GRM1: variants seen among roughly 807,000 people sequenced by gnomAD.
The protein encoded by GRM1 is metabotropic glutamate receptor 1.
In GRM1, 33 loss-of-function variants were observed where a neutral mutation model predicts 90.9. The ratio of observed to expected loss-of-function variants is 0.36; its 90% CI spans 0.28 to 0.49. GRM1 has a LOEUF of 0.49. GRM1 is among the 20% of genes least tolerant of loss of function. GRM1 has a pLI of 0.99. For missense variants in GRM1, 1,190 were observed against 1,534.3 expected, an observed-to-expected ratio of 0.78 and a Z score of 3.75; for synonymous variants, 700 against 613.2, an observed-to-expected ratio of 1.14 and a Z score of -2.09.
Position 146,357,708 on chromosome 6 carries a change from G to A in GRM1, c.1602+14G>A. 2 of 1,607,642 alleles carry A rather than the reference G, an allele frequency of 1.2e-6. No homozygotes were observed. The highest frequency in any genetic ancestry group is 8.5e-7 in the Non-Finnish European group (1 of 1,174,330). Reference sequence around the variant, plus strand: ...GGCCAGATTAAGGTAAGCCACAAATGCATTCTTGCATGGTATCTGTGAGGA... The same window carrying A: ...GGCCAGATTAAGGTAAGCCACAAATACATTCTTGCATGGTATCTGTGAGGA... On this transcript the variant is annotated intron_variant, in intron 5 of 7. Coordinates refer to ENST00000282753, the MANE Select transcript of GRM1 (RefSeq NM_001278064.2).
chr6:146,262,866 A>G (rs981474769), intron 2 of GRM1, among the ~76,000 whole-genome samples: 1 of 151,956 alleles, frequency 6.6e-6, no homozygotes, highest in Non-Finnish European at 1.5e-5. Flanking sequence ...ACTCATAATG[A>G]ACAATTTAAT....
At chr6:146,079,048 C>T (rs1005479365) in intron 1 of GRM1, among the ~76,000 whole-genome samples, 3 of 152,162 alleles carry the variant, frequency 2.0e-5, no homozygotes, top group African/African-American at 7.2e-5. Context: ...ACACAGGAAC[C>T]GGAGGGGCCA....
chr6:146,155,320 C>G (rs987218111), intron 1 of GRM1, among the ~76,000 whole-genome samples: 1 of 152,170 alleles, frequency 6.6e-6, no homozygotes, highest in African/African-American at 2.4e-5. Flanking sequence ...TTACCACTGT[C>G]TTACAGTTGC....
At chr6:146,376,077 C>A (rs1776088282) in intron 5 of GRM1, among the ~76,000 whole-genome samples, 1 of 151,946 alleles carries the variant, frequency 6.6e-6, no homozygotes, top group Non-Finnish European at 1.5e-5. Context: ...ATGAGGCTTG[C>A]AAATACTATC....
chr6:146,311,907 T>G (rs2114944403), intron 3 of GRM1, among the ~76,000 whole-genome samples: 1 of 152,342 alleles, frequency 6.6e-6, no homozygotes, highest in South Asian at 2.1e-4. Context: ...TGATTGAAAT[T>G]TATACTTTTA....
intron 1 of GRM1, among the ~76,000 whole-genome samples, chr6:146,115,312 C>T (rs1775702592): frequency 6.6e-6 from 1 of 151,606 alleles, no homozygotes; most frequent in Non-Finnish European, 1.5e-5. Context: ...ATATAGACTT[C>T]ATATATAAAA....
intron 1 of GRM1, among the ~76,000 whole-genome samples, chr6:146,107,213 A>G (rs1021486692): frequency 2.0e-5 from 3 of 152,212 alleles, no homozygotes; most frequent in African/African-American, 7.2e-5. Context: ...TTCTATGAAT[A>G]TTTATGTCAA....
chr6:146,104,627 G>C (rs900699648), intron 1 of GRM1, among the ~76,000 whole-genome samples: 2 of 152,182 alleles, frequency 1.3e-5, no homozygotes, highest in Admixed American at 6.5e-5. Flanking sequence ...CTGGAGAGTA[G>C]AGAATTTCCG....
In GRM1 at chr6:146,030,224, A is replaced by G. The variant is rs1790655950; in HGVS notation, c.700+7A>G. 1.3e-6 allele frequency: 2 copies of G among 1,592,718 alleles called. No individual in the cohort carries two copies. Among genetic ancestry groups the G allele is most frequent in the African/African-American group, 1.3e-5 (1 of 74,540 alleles). On this transcript the variant is annotated splice_region_variant and intron_variant, in intron 1 of 7. Transcript: ENST00000282753. ...TCTGCAGTCCACACGGAAGGTAGGC[A>G]TTATATTTGGGAAAGAAGGGTACTG...
intron 2 of GRM1, among the ~76,000 whole-genome samples, chr6:146,296,469 C>T (rs954646794): frequency 2.0e-5 from 3 of 152,096 alleles, no homozygotes; most frequent in Non-Finnish European, 2.9e-5. Context: ...ATACACAATA[C>T]GTTATTATTA....
At chr6:146,322,649 C>T (rs199973052) in intron 3 of GRM1, among the ~76,000 whole-genome samples, 2 of 146,858 alleles carry the variant, frequency 1.4e-5, no homozygotes, top group Non-Finnish European at 3.0e-5. Flanking sequence ...ATGTGCACAA[C>T]GTGCAGGTTT....
In GRM1 at chr6:146,434,418, G is replaced by T; in HGVS notation, c.3207G>T (p.Pro1069=). The T allele has an allele frequency of 6.2e-7, 1 of 1,613,388 alleles. No homozygotes were observed. The highest frequency in any genetic ancestry group is 8.5e-7 in the Non-Finnish European group (1 of 1,179,720). ...GNGLRSLYPP[P]PPPQHLQMLP... ...GGCTGCGGTCCCTGTACCCGCCCCCGCCACCTCCGCAGCACCTGCAGATGC... is the reference window on the plus strand; with the variant it reads ...GGCTGCGGTCCCTGTACCCGCCCCCTCCACCTCCGCAGCACCTGCAGATGC... The change falls in exon 8 of 8, where the codon CCG becomes CCT. Residue 1069 remains proline (P), a synonymous_variant. Transcript: ENST00000282753.
chr6:146,054,635 A>G (rs1775414780), intron 1 of GRM1, among the ~76,000 whole-genome samples: 2 of 152,018 alleles, frequency 1.3e-5, no homozygotes, highest in South Asian at 4.1e-4. Context: ...ATTTATGGAG[A>G]GGAGAAAGGG....
chr6:146,043,792 T>TATATATATATATATAG (rs1554260513), intron 1 of GRM1, among the ~76,000 whole-genome samples: 3 of 135,264 alleles, frequency 2.2e-5, no homozygotes, highest in Non-Finnish European at 3.2e-5. Context: ...GATATATATA[T>TATATATATATATATAG]ATATATATAT....
Position 146,157,988 on chromosome 6 carries a change from A to G in GRM1, c.701-1360A>G, listed in dbSNP as rs796305577. On this transcript the variant is annotated intron_variant, in intron 1 of 7. Transcript: ENST00000282753. ...TGATTAATGAAATATTTAATATTTA[A>G]TCATTAATGAAATAATTTATTCCTT... Among the ~76,000 whole-genome samples, 22 of 152,340 alleles carry G rather than the reference A, an allele frequency of 1.4e-4. 1 individual carries two copies. The highest frequency in any genetic ancestry group is 5.3e-4 in the African/African-American group (22 of 41,578).
Position 146,159,610 on chromosome 6 carries a change from C to T in GRM1, c.950+13C>T. 1.5e-6 allele frequency: 1 copy of T among 648,146 alleles called. No individual in the cohort carries two copies. The highest frequency in any genetic ancestry group is 2.1e-6 in the Non-Finnish European group (1 of 476,468). 40.1% of individuals were successfully genotyped at this position (648,146 alleles called of 1,614,324 possible). ...CACTCATTGGAAGGTAAGTTTCTCT[C>T]TCTCTCTCTCTCTCTCTCTCTCTCT... On this transcript the variant is annotated intron_variant, in intron 2 of 7. Coordinates refer to ENST00000282753, the MANE Select transcript of GRM1 (RefSeq NM_001278064.2).
intron 1 of GRM1, among the ~76,000 whole-genome samples, chr6:146,138,574 G>A (rs1256505964): frequency 6.6e-6 from 1 of 151,892 alleles, no homozygotes; most frequent in Non-Finnish European, 1.5e-5. Flanking sequence ...GGCCTGTTCA[G>A]GTTTGGGATT....
At chr6:146,361,866 C>T (rs898379262) in intron 5 of GRM1, among the ~76,000 whole-genome samples, 17 of 152,158 alleles carry the variant, frequency 1.1e-4, no homozygotes, top group Non-Finnish European at 1.9e-4. Context: ...AATTTCTAAG[C>T]CTTTATTTTT....
chr6:146,276,485 A>T (rs945936611), intron 2 of GRM1, among the ~76,000 whole-genome samples: 1 of 152,190 alleles, frequency 6.6e-6, no homozygotes, highest in Non-Finnish European at 1.5e-5. Context: ...ATTATAGAAC[A>T]TAATTATTCC....
Sources: allele counts gnomAD v4.1 joint callset (sites outside exome capture counted in the v4.1 genomes callset), GRCh38; gene constraint gnomAD v4.1.1; transcripts MANE v1.5; gene names NCBI Gene and HGNC (gene_info 2026-07-23, HGNC 2026-07-21).